The following SUSD3 variants were observed in gnomAD, a reference collection of about 807,000 sequenced individuals.
The protein encoded by SUSD3 is sushi domain-containing protein 3.
A neutral mutation model predicts 20.6 loss-of-function variants in SUSD3; 18 were observed. That is an observed-to-expected ratio of 0.87 (90% confidence interval 0.60 to 1.30). The LOEUF is 1.30. Ranked by LOEUF, SUSD3 falls within the 50% of genes most tolerant of loss-of-function variation. The pLI, the probability that SUSD3 is intolerant of heterozygous loss-of-function variation, is 0.00. For missense variants in SUSD3, 306 were observed against 346.9 expected (o/e 0.88, Z 0.94); for synonymous variants, 137 against 141.5 (o/e 0.97, Z 0.23).
At chr9:93,073,676 T>C (rs1324756066) in intron 1 of SUSD3, among the ~76,000 whole-genome samples, 1 of 152,126 alleles carries the variant, frequency 6.6e-6, no homozygotes, top group African/African-American at 2.4e-5. Flanking sequence ...GGGATGTCCT[T>C]AGCAGTTTCA....
chr9:93,064,709 A>G (rs1825641126), intron 1 of SUSD3, among the ~76,000 whole-genome samples: 1 of 152,200 alleles, frequency 6.6e-6, no homozygotes, highest in Non-Finnish European at 1.5e-5. Context: ...TGCTCCTTCT[A>G]AAACACACTT....
intron 4 of SUSD3, among the ~76,000 whole-genome samples, chr9:93,081,201 C>T (rs1017580649): frequency 2.6e-5 from 4 of 152,204 alleles, no homozygotes; most frequent in African/African-American, 9.7e-5. Context: ...AGGCCCATCT[C>T]ATGCTTTCTG....
chr9:93,069,760 G>A (rs1011493831), intron 1 of SUSD3, among the ~76,000 whole-genome samples: 14 of 151,980 alleles, frequency 9.2e-5, no homozygotes, highest in African/African-American at 2.7e-4. Context: ...ATCTAATGGA[G>A]ATTGTTTTAC....
intron 3 of SUSD3, among the ~76,000 whole-genome samples, 199 bp downstream of exon 3, chr9:93,078,192 G>A (rs796475082): frequency 1.3e-5 from 2 of 152,350 alleles, no homozygotes; most frequent in Admixed American, 1.3e-4. Flanking sequence ...CATCACAGCT[G>A]GGGGACATGT....
At chr9:93,061,905 C>T (rs1179817978) in intron 1 of SUSD3, among the ~76,000 whole-genome samples, 2 of 152,222 alleles carry the variant, frequency 1.3e-5, no homozygotes, top group Non-Finnish European at 2.9e-5. Context: ...TCTCCCACAG[C>T]CTCAGCCAGC....
rs776711892 is a variant in SUSD3, at chr9:93,084,586, G to T, written c.607G>T (p.Asp203Tyr). 1.9e-6 allele frequency: 3 copies of T among 1,604,232 alleles called. No homozygotes were observed. Among genetic ancestry groups the T allele is most frequent in the South Asian group, 2.2e-5 (2 of 89,150 alleles). ...GCTGGCCAGTGTGACCCGCAGCGTG[G>T]ACAAGGACCCTGGGATCCCCAGAGC... Reference protein sequence around the residue: ...SKLASVTRSVDKDPGIPRALS... With the variant: ...SKLASVTRSVYKDPGIPRALS... The change falls in exon 5 of 5, where the codon GAC becomes TAC. Residue 203 changes from aspartate to tyrosine, a missense_variant. By Grantham distance (160) the Asp-to-Tyr change is radical (BLOSUM62 -3). Transcript: ENST00000375472.
chr9:93,079,554 A>C lies in SUSD3; in HGVS notation c.509A>C (p.Lys170Thr). The part of the protein sequence containing the change: ...AAYLGLKHFN[K>T]PVSGPSQAHD... ...TACCTTGGCCTCAAGCACTTCAACA[A>C]ACCCGTGAGCGGGCCCAGCCAGGCG... The change falls in exon 4 of 5, where the codon AAA (lysine) becomes ACA (threonine). Residue 170 changes from lysine to threonine, a missense_variant. Lys to Thr is a moderately conservative substitution (Grantham distance 78, BLOSUM62 -1). Coordinates refer to ENST00000375472, the MANE Select transcript of SUSD3 (RefSeq NM_145006.4). 6.2e-7 allele frequency: 1 copy of C among 1,614,058 alleles called. No homozygotes were observed. The highest frequency in any genetic ancestry group is 8.5e-7 in the Non-Finnish European group (1 of 1,180,004).
chr9:93,075,764 A>G lies in SUSD3; in HGVS notation c.89-20A>G. ...CACCCCCCCCCCCCCGCCATGCCTC[A>G]TACCTGCCTGTCTCCCCAGGCACGT... On this transcript the variant is annotated intron_variant, in intron 1 of 4. Transcript: ENST00000375472. 2 of 525,822 alleles carry G rather than the reference A, an allele frequency of 3.8e-6. No individual in the cohort carries two copies. Among genetic ancestry groups the G allele is most frequent in the Non-Finnish European group, 5.3e-6 (2 of 376,394 alleles). 32.6% of individuals were successfully genotyped at this position (525,822 alleles called of 1,614,324 possible). A position where few individuals can be genotyped will look rare whatever the true frequency, so the allele number is the denominator to read the frequency against.
chr9:93,069,333 T>C (rs1423722791), intron 1 of SUSD3, among the ~76,000 whole-genome samples: 1 of 152,226 alleles, frequency 6.6e-6, no homozygotes, highest in East Asian at 1.9e-4. Flanking sequence ...ACAACTGTTG[T>C]GAGGTACTAT....
intron 2 of SUSD3, among the ~76,000 whole-genome samples, chr9:93,076,690 G>A (rs1364891714): frequency 6.6e-6 from 1 of 152,220 alleles, no homozygotes; most frequent in East Asian, 1.9e-4. Context: ...CTGAGGATGC[G>A]AGTGTTAGGA....
intron 1 of SUSD3, among the ~76,000 whole-genome samples, chr9:93,074,335 C>G (rs958033317): frequency 3.4e-5 from 5 of 145,264 alleles, no homozygotes; most frequent in African/African-American, 1.3e-4. Flanking sequence ...GAGGGTGAGG[C>G]AGGAGAATTG....
intron 1 of SUSD3, among the ~76,000 whole-genome samples, chr9:93,061,851 C>T (rs140142557): frequency 1.1e-4 from 17 of 152,290 alleles, no homozygotes; most frequent in Non-Finnish European, 2.2e-4. Flanking sequence ...AGGTGGGGAT[C>T]GAGTCTAGGT....
chr9:93,065,613 C>G (rs1421590819), intron 1 of SUSD3, among the ~76,000 whole-genome samples: 2 of 152,240 alleles, frequency 1.3e-5, no homozygotes, highest in East Asian at 3.8e-4. Flanking sequence ...ACGTGGCCAG[C>G]CCGTGGCTGC....
chr9:93,082,354 G>A (rs1826451314), intron 4 of SUSD3, among the ~76,000 whole-genome samples: 1 of 116,718 alleles, frequency 8.6e-6, no homozygotes, highest in African/African-American at 3.3e-5. Flanking sequence ...GTCTTGCTCT[G>A]TCGTCCAGGC....
intron 1 of SUSD3, among the ~76,000 whole-genome samples, chr9:93,071,602 A>G (rs1196392735): frequency 6.6e-6 from 1 of 152,150 alleles, no homozygotes. Flanking sequence ...CTCCTTTGGC[A>G]ACACCCTCAC....
chr9:93,071,168 A>G (rs750634603), intron 1 of SUSD3, among the ~76,000 whole-genome samples: 2 of 152,186 alleles, frequency 1.3e-5, no homozygotes, highest in Non-Finnish European at 2.9e-5. Flanking sequence ...GAGGGACTGG[A>G]CTAATAGCAT....
intron 1 of SUSD3, among the ~76,000 whole-genome samples, chr9:93,059,268 G>T (rs978579095): frequency 1.3e-5 from 2 of 152,178 alleles, no homozygotes; most frequent in South Asian, 2.1e-4. Context: ...TCATCTTCAC[G>T]ATTCCTTGGT....
At chr9:93,084,062 A>G (rs1186533863) in intron 4 of SUSD3, among the ~76,000 whole-genome samples, 2 of 152,118 alleles carry the variant, frequency 1.3e-5, no homozygotes, top group African/African-American at 2.4e-5. Flanking sequence ...GAGAGCCACA[A>G]GAGTACTGAG....
intron 1 of SUSD3, among the ~76,000 whole-genome samples, chr9:93,072,199 A>G (rs1825937297): frequency 2.0e-5 from 3 of 152,232 alleles, no homozygotes; most frequent in Admixed American, 1.3e-4. Flanking sequence ...GCTAGCAAGT[A>G]TCCTCAAGGC....
Sources: allele counts gnomAD v4.1 joint callset (sites outside exome capture counted in the v4.1 genomes callset), GRCh38; gene constraint gnomAD v4.1.1; transcripts MANE v1.5; gene names NCBI Gene and HGNC (gene_info 2026-07-23, HGNC 2026-07-21).